The following TMLHE variants were observed in gnomAD, a reference collection of about 807,000 sequenced individuals.
TMLHE encodes trimethyllysine hydroxylase, epsilon, also known as trimethyllysine dioxygenase, mitochondrial.
Under a neutral mutation model 25.7 loss-of-function variants are expected in TMLHE, and 18 were observed. That is an observed-to-expected ratio of 0.70 (90% CI 0.48 to 1.04). The LOEUF (loss-of-function observed/expected upper bound fraction) is 1.04, where lower values mean the gene tolerates loss of function less well. Among genes scored for constraint, TMLHE ranks in the 50% least tolerant of loss-of-function variants. The pLI is 0.00. For synonymous variants in TMLHE, 105 were observed against 97.0 expected, an observed-to-expected ratio of 1.08 and a Z score of -0.49; for missense variants, 236 against 259.0, an observed-to-expected ratio of 0.91 and a Z score of 0.61.
At chrX:155,511,087 A>T (rs2067109218) in intron 5 of TMLHE, among the ~76,000 whole-genome samples, 1 of 111,323 alleles carries the variant, frequency 9.0e-6, no homozygotes, top group Non-Finnish European at 1.9e-5. Flanking sequence ...TAGGAGTCTG[A>T]TATAGTTTGG....
Position 155,524,521 on chromosome X carries a change from G to A in TMLHE, c.293C>T (p.Ala98Val). The A allele has an allele frequency of 8.3e-7, 1 of 1,208,680 alleles. No homozygotes were observed. The change falls in exon 3 of 8, where the codon GCC becomes GTC. Residue 98 changes from alanine to valine, a missense_variant. By Grantham distance (64) the Ala-to-Val change is moderately conservative. Transcript: ENST00000334398. ...TGGCTTGATACATAAATCCACACTG[G>A]CAGTATCCAGGCTGCGCTGGTGAGT... ...SKTHQRSLDT[A>V]SVDLCIKPKT...
At chrX:155,522,472 C>G (rs1557335891) in intron 3 of TMLHE, among the ~76,000 whole-genome samples, 1 of 111,969 alleles carries the variant, frequency 8.9e-6, no homozygotes, top group East Asian at 2.8e-4. Context: ...ACATGTGTAA[C>G]TTTGTGTAAC....
At position 155,547,246 on chromosome X, in the gene TMLHE, G is replaced by A. The variant is rs1431888324; in HGVS notation, c.-1-1969C>T. The stretch of plus-strand genomic sequence containing the variant: ...TGCAAGCTCCGCCTCCCGGGTTCAC[G>A]CCATTCTCCTGCCTCAGCCTCCCGA... On this transcript the variant is annotated intron_variant, in intron 1 of 7. Coordinates refer to ENST00000334398, the MANE Select transcript of TMLHE (RefSeq NM_018196.4). 9.9e-5 allele frequency among the ~76,000 whole-genome samples: 9 copies of A among 90,685 alleles called. 1 individual carries two copies. The highest frequency in any genetic ancestry group is 1.2e-3 in the South Asian group (2 of 1,648). The allele number at this position is 90,685 out of a possible 115,157, so 78.7% of individuals were successfully genotyped here. A position where few individuals can be genotyped will look rare whatever the true frequency, so the allele number is the denominator to read the frequency against.
At chrX:155,553,112 CAT>C (rs1425178711) in intron 1 of TMLHE, among the ~76,000 whole-genome samples, 1 of 110,723 alleles carries the variant, frequency 9.0e-6, no homozygotes, top group African/African-American at 3.3e-5. Flanking sequence ...TGGCTCAACA[CAT>C]CACGTATTTT....
intron 6 of TMLHE, among the ~76,000 whole-genome samples, chrX:155,500,184 G>C (rs1557332238): frequency 2.0e-5 from 1 of 48,846 alleles, no homozygotes; most frequent in Non-Finnish European, 5.0e-5. Context: ...CCATCAGAGT[G>C]AACAGGCAAC....
chrX:155,608,018 C>T (rs1005368831), intron 1 of TMLHE, among the ~76,000 whole-genome samples: 12 of 111,663 alleles, frequency 1.1e-4, no homozygotes, highest in African/African-American at 1.6e-4. Context: ...CTATTCTTAT[C>T]AAACTACCAA....
chrX:155,534,869 C>A (rs1291400019), intron 2 of TMLHE, among the ~76,000 whole-genome samples: 1 of 111,625 alleles, frequency 9.0e-6, no homozygotes, highest in Non-Finnish European at 1.9e-5. Flanking sequence ...GCTCTAATCC[C>A]CAATGTGATG....
At chrX:155,536,199 G>T (rs73247694) in intron 2 of TMLHE, among the ~76,000 whole-genome samples, 8 of 111,156 alleles carry the variant, frequency 7.2e-5, no homozygotes, top group Non-Finnish European at 1.5e-4. Context: ...TGAGTATCTT[G>T]AGGATAGGGA....
At chrX:155,593,676 T>TA (rs1474106929) in intron 1 of TMLHE, among the ~76,000 whole-genome samples, 1 of 111,710 alleles carries the variant, frequency 9.0e-6, no homozygotes, top group Admixed American at 9.5e-5. Flanking sequence ...AATATATGGA[T>TA]AAAAAATTAA....
chrX:155,603,010 A>G (rs1435248627), intron 1 of TMLHE, among the ~76,000 whole-genome samples: 2 of 112,223 alleles, frequency 1.8e-5, no homozygotes, highest in Non-Finnish European at 3.8e-5. Context: ...AAACTGATGT[A>G]TAGATTCAGT....
intron 1 of TMLHE, among the ~76,000 whole-genome samples, chrX:155,547,523 C>G (rs1457108904): frequency 9.0e-5 from 10 of 111,338 alleles, no homozygotes; most frequent in African/African-American, 9.8e-5. Flanking sequence ...TGTTCACAAA[C>G]TAGCAGGGAA....
chrX:155,524,351 AAAGT>A, intron 3 of TMLHE, 101 bp downstream of exon 3: 3 of 713,249 alleles, frequency 4.2e-6, no homozygotes, highest in Non-Finnish European at 5.8e-6. Context: ...GAAAAAAAGA[AAAGT>A]AAGTAATAAC....
Position 155,524,471 on chromosome X carries a change from T to C in TMLHE, c.343A>G (p.Thr115Ala), listed in dbSNP as rs782461476. Residue 115 changes from threonine to alanine, a missense_variant, in exon 3 of 8, where the codon ACA becomes GCA. This residue lies in a region of TMLHE where 217 missense variants were observed against 214.6 expected (regional missense o/e 1.01). Coordinates refer to ENST00000334398, the MANE Select transcript of TMLHE (RefSeq NM_018196.4). ...KPKTIRLDETTLFFTWPDGHV... is the reference protein window; with the variant it reads ...KPKTIRLDETALFFTWPDGHV... Reference sequence around the variant, plus strand: ...GTCCACTCACAAGTGAAAAAGAGTGTGGTCTCATCCAGACGAATGGTCTTT... The same window carrying C: ...GTCCACTCACAAGTGAAAAAGAGTGCGGTCTCATCCAGACGAATGGTCTTT... The C allele has an allele frequency of 2.5e-6, 3 of 1,180,822 alleles. No individual in the cohort carries two copies. Among genetic ancestry groups the C allele is most frequent in the Admixed American group, 2.3e-5 (1 of 42,956 alleles).
chrX:155,557,467 A>G (rs1229967253), intron 1 of TMLHE, among the ~76,000 whole-genome samples: 1 of 112,038 alleles, frequency 8.9e-6, no homozygotes, highest in Admixed American at 9.5e-5. Flanking sequence ...GTAATTTGAT[A>G]TGCAGCTATA....
chrX:155,522,049 C>T (rs2124363041), intron 3 of TMLHE, among the ~76,000 whole-genome samples: 1 of 111,804 alleles, frequency 8.9e-6, no homozygotes, highest in Non-Finnish European at 1.9e-5. Context: ...CTCCTCCCCC[C>T]AACAATTGTA....
In TMLHE at chrX:155,524,645, T is replaced by C. The variant is rs1482366574; in HGVS notation, c.182-13A>G. 1.8e-6 allele frequency: 2 copies of C among 1,142,585 alleles called. No individual in the cohort carries two copies. Among genetic ancestry groups the C allele is most frequent in the African/African-American group, 3.6e-5 (2 of 55,186 alleles). The allele number at this position is 1,142,585 out of a possible 1,213,427, so 94.2% of individuals were successfully genotyped here. A position where few individuals can be genotyped will look rare whatever the true frequency, so the allele number is the denominator to read the frequency against. On this transcript the variant is annotated splice_polypyrimidine_tract_variant and intron_variant, in intron 2 of 7. Coordinates refer to ENST00000334398, the MANE Select transcript of TMLHE (RefSeq NM_018196.4). Reference sequence around the variant, plus strand: ...GCATATTTCAGCTCTAGGGAAAAGATCACATTTATCAGAACTATTTATTGA... The same window carrying C: ...GCATATTTCAGCTCTAGGGAAAAGACCACATTTATCAGAACTATTTATTGA...
At chrX:155,557,735 T>C (rs1200497702) in intron 1 of TMLHE, among the ~76,000 whole-genome samples, 1 of 110,863 alleles carries the variant, frequency 9.0e-6, no homozygotes, top group Non-Finnish European at 1.9e-5. Flanking sequence ...TCCCACAGAG[T>C]TCCTCCTCAC....
At chrX:155,505,860 G>A (rs189928807) in intron 6 of TMLHE, among the ~76,000 whole-genome samples, 170 of 111,513 alleles carry the variant, frequency 1.5e-3, no homozygotes, top group African/African-American at 5.4e-3. Flanking sequence ...TATTTGCTGA[G>A]TAAACTGAAT....
intron 1 of TMLHE, among the ~76,000 whole-genome samples, chrX:155,581,228 GC>G (rs1368716661): frequency 2.7e-5 from 3 of 111,299 alleles, no homozygotes; most frequent in African/African-American, 9.8e-5. Flanking sequence ...TACTGAATGG[GC>G]AAAAACTGGA....
Sources: allele counts gnomAD v4.1 joint callset (sites outside exome capture counted in the v4.1 genomes callset), GRCh38; gene constraint gnomAD v4.1.1; regional missense constraint gnomAD v4.1.1; transcripts MANE v1.5; gene names NCBI Gene and HGNC (gene_info 2026-07-23, HGNC 2026-07-21).